Variants in EPHA6 observed in about 807,000 individuals in gnomAD.
EPHA6 encodes EPH receptor A6.
In EPHA6, 50 loss-of-function variants were observed where a neutral mutation model predicts 112.0. The ratio of observed to expected loss-of-function variants is 0.45; its 90% CI spans 0.36 to 0.56. The LOEUF (loss-of-function observed/expected upper bound fraction) is 0.56, where lower values mean the gene tolerates loss of function less well. Ranked by LOEUF, EPHA6 falls within the 20% of genes least tolerant of loss-of-function variation. The pLI, the probability that EPHA6 is intolerant of heterozygous loss-of-function variation, is 0.00. For synonymous variants in EPHA6, 529 were observed against 490.7 expected (o/e 1.08, Z -1.03); for missense variants, 1,280 against 1,417.4 (o/e 0.90, Z 1.56).
chr3:97,716,396 G>A (rs553025589), intron 14 of EPHA6, among the ~76,000 whole-genome samples: 6 of 131,956 alleles, frequency 4.5e-5, no homozygotes, highest in South Asian at 2.2e-4. Flanking sequence ...GTGAAACCCC[G>A]TCTCTACTAA....
At chr3:97,445,438 G>T (rs2090307506) in intron 6 of EPHA6, among the ~76,000 whole-genome samples, 2 of 151,972 alleles carry the variant, frequency 1.3e-5, no homozygotes, top group South Asian at 4.1e-4. Context: ...ATAGTTCTTG[G>T]TCTCCCACAA....
chr3:97,316,899 C>T (rs1006809728), intron 5 of EPHA6, among the ~76,000 whole-genome samples: 1 of 151,766 alleles, frequency 6.6e-6, no homozygotes, highest in African/African-American at 2.4e-5. Flanking sequence ...TGTTAATTAG[C>T]TGTATGATCT....
intron 3 of EPHA6, among the ~76,000 whole-genome samples, chr3:97,197,463 T>G (rs746758814): frequency 1.3e-5 from 2 of 151,922 alleles, no homozygotes; most frequent in Non-Finnish European, 2.9e-5. Context: ...TGTCGAGAAA[T>G]GTCATCTGGG....
chr3:97,084,498 C>A (rs1291506340), intron 3 of EPHA6, among the ~76,000 whole-genome samples: 1 of 151,856 alleles, frequency 6.6e-6, no homozygotes, highest in Non-Finnish European at 1.5e-5. Flanking sequence ...TCTCACTGGG[C>A]GAAACGCAAC....
intron 5 of EPHA6, among the ~76,000 whole-genome samples, chr3:97,300,615 T>A (rs1467328218): frequency 6.6e-6 from 1 of 152,094 alleles, no homozygotes; most frequent in East Asian, 1.9e-4. Context: ...GCTACCTCAT[T>A]TTGCAGTTCT....
intron 14 of EPHA6, 43 bp from the exon 15 acceptor site, chr3:97,720,218 T>C (rs750422716): frequency 6.1e-6 from 9 of 1,471,750 alleles, no homozygotes; most frequent in East Asian, 5.0e-5. Flanking sequence ...TTGTTTTTAA[T>C]ACAACGATAA....
chr3:96,842,725 C>A (rs1241221763), intron 1 of EPHA6, among the ~76,000 whole-genome samples: 1 of 151,974 alleles, frequency 6.6e-6, no homozygotes, highest in Non-Finnish European at 1.5e-5. Context: ...TATTCAAGAT[C>A]TACCTTCCTA....
At chr3:97,309,009 G>T (rs959351808) in intron 5 of EPHA6, among the ~76,000 whole-genome samples, 1 of 151,508 alleles carries the variant, frequency 6.6e-6, no homozygotes, top group African/African-American at 2.4e-5. Flanking sequence ...TTCTACAGGA[G>T]AATTAAAAAC....
rs753882991 is a variant in EPHA6 at position 97,286,680 on chromosome 3, CT to C, written c.1606+42406del. On this transcript the variant is annotated intron_variant, in intron 5 of 17. Coordinates refer to ENST00000389672, the MANE Select transcript of EPHA6 (RefSeq NM_001080448.3). ...AAGTCAGGTGGTGTGAAGCCTCAAG[CT>C]TTTTTTTTTTTTCTTTTGCTCAGGA... 1.6e-3 allele frequency among the ~76,000 whole-genome samples: 226 copies of C among 141,918 alleles called. 1 individual carries two copies. The highest frequency in any genetic ancestry group is 4.9e-3 in the South Asian group (22 of 4,474). 93.1% of individuals were successfully genotyped at this position (141,918 alleles called of 152,430 possible).
At chr3:97,381,457 T>C (rs1256524920) in intron 5 of EPHA6, among the ~76,000 whole-genome samples, 1 of 152,098 alleles carries the variant, frequency 6.6e-6, no homozygotes, top group Non-Finnish European at 1.5e-5. Flanking sequence ...AGAGTGAATC[T>C]GCTGAGCCAC....
intron 10 of EPHA6, among the ~76,000 whole-genome samples, chr3:97,488,216 A>C (rs986723394): frequency 6.6e-6 from 1 of 152,154 alleles, no homozygotes; most frequent in Non-Finnish European, 1.5e-5. Flanking sequence ...CCCTTTATCT[A>C]TATGAAACTC....
In EPHA6 at chr3:97,647,553, T is replaced by A. The variant is rs150289488; in HGVS notation, c.2784+9471T>A. Among the ~76,000 whole-genome samples, 1,367 of 152,270 alleles carry A rather than the reference T, an allele frequency of 9.0e-3. 82 individuals carry two copies. Among genetic ancestry groups the A allele is most frequent in the Admixed American group, 0.08 (1,224 of 15,278 alleles). ...TGAGGCCTTGTTTTTACATGCCAAT[T>A]CTATGATGAGATTACAAAGCACTTA... On this transcript the variant is annotated intron_variant, in intron 14 of 17. Transcript: ENST00000389672.
intron 5 of EPHA6, among the ~76,000 whole-genome samples, chr3:97,396,528 C>A (rs2086703994): frequency 6.6e-6 from 1 of 151,198 alleles, no homozygotes; most frequent in South Asian, 2.1e-4. Flanking sequence ...TATTTTATTT[C>A]TTGCCTTTAG....
intron 1 of EPHA6, among the ~76,000 whole-genome samples, chr3:96,816,620 C>G (rs929953301): frequency 1.3e-5 from 2 of 152,000 alleles, no homozygotes; most frequent in Non-Finnish European, 2.9e-5. Context: ...GTCAAGTGTA[C>G]TAGAAGTTTG....
chr3:97,243,590 T>C (rs542506508), intron 4 of EPHA6, among the ~76,000 whole-genome samples: 2 of 151,986 alleles, frequency 1.3e-5, no homozygotes, highest in Admixed American at 1.3e-4. Context: ...ATTTTGAAAA[T>C]GGTGATATAA....
intron 5 of EPHA6, among the ~76,000 whole-genome samples, chr3:97,325,530 G>A (rs1158640083): frequency 1.3e-5 from 2 of 151,990 alleles, no homozygotes; most frequent in Non-Finnish European, 2.9e-5. Flanking sequence ...GAGGTACAGG[G>A]GTCTAGGCTT....
At chr3:97,222,751 T>C (rs2078244448) in intron 3 of EPHA6, among the ~76,000 whole-genome samples, 1 of 152,212 alleles carries the variant, frequency 6.6e-6, no homozygotes, top group Non-Finnish European at 1.5e-5. Context: ...ACTCACACAC[T>C]ATCCAGTTCA....
intron 5 of EPHA6, among the ~76,000 whole-genome samples, chr3:97,336,924 C>T (rs1006026452): frequency 6.6e-6 from 1 of 151,382 alleles, no homozygotes; most frequent in Non-Finnish European, 1.5e-5. Context: ...CCCAGATTAT[C>T]TGGGATGCCG....
At chr3:97,012,567 T>C (rs1470234530) in intron 3 of EPHA6, among the ~76,000 whole-genome samples, 1 of 147,568 alleles carries the variant, frequency 6.8e-6, no homozygotes, top group Non-Finnish European at 1.5e-5. Flanking sequence ...CTAGAATATA[T>C]ATACATAAAA....
Sources: gnomAD v4.1 joint callset for allele counts (sites outside exome capture counted in the v4.1 genomes callset) on GRCh38, gnomAD v4.1.1 for gene constraint, MANE v1.5 for transcripts, NCBI Gene and HGNC (gene_info 2026-07-23, HGNC 2026-07-21) for gene names.